LSAMP: variants seen among roughly 807,000 people sequenced by gnomAD.
The protein encoded by LSAMP is limbic system-associated membrane protein.
A neutral mutation model predicts 38.6 loss-of-function variants in LSAMP; 7 were observed. The observed-to-expected ratio is 0.18, with a 90% CI of 0.10 to 0.34. The LOEUF (loss-of-function observed/expected upper bound fraction) is 0.34, where lower values mean the gene tolerates loss of function less well. LSAMP is among the 10% of genes least tolerant of loss of function. The pLI is 1.00. For missense variants in LSAMP, 313 were observed against 420.0 expected (o/e 0.75, Z 2.23); for synonymous variants, 154 against 166.8 (o/e 0.92, Z 0.59).
intron 1 of LSAMP, among the ~76,000 whole-genome samples, chr3:116,092,754 T>C (rs926145117): frequency 7.9e-5 from 12 of 152,134 alleles, no homozygotes; most frequent in Non-Finnish European, 1.8e-4. Context: ...AAAATGAATA[T>C]AACTGGAGGT....
chr3:116,221,181 A>G (rs1043601002), intron 1 of LSAMP, among the ~76,000 whole-genome samples: 10 of 148,148 alleles, frequency 6.8e-5, no homozygotes, highest in Admixed American at 1.3e-4. Flanking sequence ...GGAAAGGGGC[A>G]GCAATATATA....
intron 1 of LSAMP, among the ~76,000 whole-genome samples, chr3:116,255,899 T>G (rs1576463314): frequency 6.6e-6 from 1 of 152,096 alleles, no homozygotes; most frequent in East Asian, 1.9e-4. Context: ...AGAGGTTTGT[T>G]TATTTATTTA....
intron 1 of LSAMP, among the ~76,000 whole-genome samples, chr3:116,424,248 G>A (rs1393352097): frequency 1.3e-5 from 2 of 152,204 alleles, no homozygotes; most frequent in Non-Finnish European, 2.9e-5. Flanking sequence ...AGTTTAGAGT[G>A]CTAGATAAAC....
intron 1 of LSAMP, among the ~76,000 whole-genome samples, chr3:116,147,229 G>A (rs1709511258): frequency 6.6e-6 from 1 of 151,838 alleles, no homozygotes; most frequent in African/African-American, 2.4e-5. Context: ...CTCCTATTCA[G>A]CATGTGATGT....
intron 1 of LSAMP, among the ~76,000 whole-genome samples, chr3:116,397,161 A>C (rs1365143723): frequency 6.6e-6 from 1 of 152,168 alleles, no homozygotes; most frequent in Non-Finnish European, 1.5e-5. Flanking sequence ...GATAAGTGTT[A>C]AAGTCCTAAC....
intron 1 of LSAMP, among the ~76,000 whole-genome samples, chr3:116,282,348 A>G (rs2047137595): frequency 6.6e-6 from 1 of 152,132 alleles, no homozygotes; most frequent in African/African-American, 2.4e-5. Flanking sequence ...TAGTTTTAGG[A>G]TTTGAAAAAA....
At chr3:115,849,582 C>A (rs1334331600) in intron 4 of LSAMP, among the ~76,000 whole-genome samples, 1 of 152,084 alleles carries the variant, frequency 6.6e-6, no homozygotes, top group Non-Finnish European at 1.5e-5. Flanking sequence ...ATTCCAAAGC[C>A]TGTGTTTTGA....
intron 3 of LSAMP, among the ~76,000 whole-genome samples, chr3:115,915,478 C>A (rs1263315923): frequency 1.3e-5 from 2 of 152,106 alleles, no homozygotes; most frequent in Non-Finnish European, 2.9e-5. Flanking sequence ...AACAATATAA[C>A]TTAGATTTCC....
intron 1 of LSAMP, among the ~76,000 whole-genome samples, chr3:116,112,629 C>A (rs1391329047): frequency 6.6e-6 from 1 of 152,088 alleles, no homozygotes; most frequent in Admixed American, 6.5e-5. Flanking sequence ...TAGGAACCAG[C>A]CTAGGAAGTG....
chr3:116,304,345 CAGG>C (rs1367325853), intron 1 of LSAMP, among the ~76,000 whole-genome samples: 5 of 152,138 alleles, frequency 3.3e-5, no homozygotes, highest in Non-Finnish European at 7.4e-5. Context: ...AGTTCATGAT[CAGG>C]AGGTTTCCCT....
chr3:116,353,133 A>C (rs2048164002), intron 1 of LSAMP, among the ~76,000 whole-genome samples: 1 of 152,032 alleles, frequency 6.6e-6, no homozygotes, highest in South Asian at 2.1e-4. Flanking sequence ...GGTATGCTTA[A>C]ACAAAGACAT....
chr3:115,847,740 TC>T (rs1935206488), intron 4 of LSAMP, among the ~76,000 whole-genome samples: 1 of 152,210 alleles, frequency 6.6e-6, no homozygotes, highest in Admixed American at 6.5e-5. Flanking sequence ...CCCTTTGCTT[TC>T]TACCATGATT....
At chr3:116,122,000 C>A (rs1028137114) in intron 1 of LSAMP, among the ~76,000 whole-genome samples, 1 of 151,368 alleles carries the variant, frequency 6.6e-6, no homozygotes, top group Admixed American at 6.6e-5. Flanking sequence ...GATTGGCCAC[C>A]CCTGTTCTAG....
intron 1 of LSAMP, among the ~76,000 whole-genome samples, chr3:116,305,503 A>C (rs953533176): frequency 6.6e-6 from 1 of 151,888 alleles, no homozygotes; most frequent in African/African-American, 2.4e-5. Flanking sequence ...GTAATCCTTC[A>C]TCTCCTTCAA....
chr3:116,237,825 T>C (rs2046485286), intron 1 of LSAMP, among the ~76,000 whole-genome samples: 1 of 152,208 alleles, frequency 6.6e-6, no homozygotes, highest in South Asian at 2.1e-4. Flanking sequence ...TAAGTTCTCA[T>C]GCATATTTTA....
chr3:116,000,341 T>C (rs1939954552), intron 3 of LSAMP, among the ~76,000 whole-genome samples: 1 of 152,114 alleles, frequency 6.6e-6, no homozygotes, highest in Non-Finnish European at 1.5e-5. Flanking sequence ...ATGAGAAAAC[T>C]GAGACTTGAG....
intron 1 of LSAMP, among the ~76,000 whole-genome samples, chr3:116,168,135 G>C (rs985528352): frequency 3.3e-5 from 5 of 152,138 alleles, no homozygotes; most frequent in Admixed American, 6.5e-5. Flanking sequence ...TATTCAAATT[G>C]TTCCTTTTTC....
chr3:116,330,850 A>G (rs12639272), intron 1 of LSAMP, among the ~76,000 whole-genome samples: 2 of 152,144 alleles, frequency 1.3e-5, no homozygotes, highest in Non-Finnish European at 2.9e-5. Flanking sequence ...AATTTTCAAC[A>G]ACAAAAAATC....
chr3:116,437,986 T>G (rs1475955086), intron 1 of LSAMP, among the ~76,000 whole-genome samples: 1 of 149,190 alleles, frequency 6.7e-6, no homozygotes, highest in African/African-American at 2.5e-5. Flanking sequence ...TAACAAAATC[T>G]GAAGTAAAGT....
Sources: allele counts gnomAD v4.1 joint callset (sites outside exome capture counted in the v4.1 genomes callset), GRCh38; gene constraint gnomAD v4.1.1; transcripts MANE v1.5; gene names NCBI Gene and HGNC (gene_info 2026-07-23, HGNC 2026-07-21).